PAWR: variants seen among roughly 807,000 people sequenced by gnomAD.
The protein encoded by PAWR is pro-apoptotic WT1 regulator.
A neutral mutation model predicts 32.0 loss-of-function variants in PAWR; 23 were observed. The ratio of observed to expected loss-of-function variants is 0.72; its 90% CI spans 0.52 to 1.02. PAWR has a LOEUF of 1.02. Ranked by LOEUF, PAWR falls within the 50% of genes least tolerant of loss-of-function variation. The pLI is 0.00. For synonymous variants in PAWR, 226 were observed against 187.1 expected (o/e 1.21, Z -1.70); for missense variants, 457 against 437.7 (o/e 1.04, Z -0.39).
chr12:79,621,875 C>T (rs1875036669), intron 2 of PAWR, among the ~76,000 whole-genome samples: 1 of 152,030 alleles, frequency 6.6e-6, no homozygotes, highest in South Asian at 2.1e-4. Context: ...ATAAGAAAAA[C>T]AAAATAGAAA....
At chr12:79,675,201 A>G (rs567281810) in intron 2 of PAWR, among the ~76,000 whole-genome samples, 1 of 152,142 alleles carries the variant, frequency 6.6e-6, no homozygotes, top group East Asian at 1.9e-4. Context: ...ACATGGCAAA[A>G]CCCTGTCTCT....
chr12:79,640,892 A>T lies in PAWR; in HGVS notation c.517-19685T>A, dbSNP rs535242628. 8.5e-5 allele frequency among the ~76,000 whole-genome samples: 13 copies of T among 152,374 alleles called. No individual in the cohort carries two copies. In the East Asian group the frequency reaches 2.3e-3, roughly 27 times the overall value. On this transcript the variant is annotated intron_variant, in intron 2 of 6. Coordinates refer to ENST00000328827, the MANE Select transcript of PAWR (RefSeq NM_002583.4). ...ATAGTTTGATGCGTAAGGATCTTGG[A>T]TGAGAGCTTGTGAGTTATGTGTCTG... is the stretch of plus-strand genomic sequence containing the variant.
At chr12:79,613,929 CAT>C (rs1369245749) in intron 3 of PAWR, among the ~76,000 whole-genome samples, 1 of 73,752 alleles carries the variant, frequency 1.4e-5, no homozygotes, top group Non-Finnish European at 2.6e-5. Flanking sequence ...AAAGTACCAC[CAT>C]TATATATATA....
At chr12:79,616,253 A>G (rs145764237) in intron 3 of PAWR, among the ~76,000 whole-genome samples, 24 of 152,018 alleles carry the variant, frequency 1.6e-4, no homozygotes, top group African/African-American at 5.8e-4. Context: ...AACATCACAC[A>G]TCATTTCTCT....
At chr12:79,689,332 T>C (rs1475803199) in intron 2 of PAWR, among the ~76,000 whole-genome samples, 2 of 152,168 alleles carry the variant, frequency 1.3e-5, no homozygotes, top group Non-Finnish European at 2.9e-5. Flanking sequence ...TAACTTCACA[T>C]GGGCACGTGA....
intron 2 of PAWR, among the ~76,000 whole-genome samples, chr12:79,641,351 T>C (rs1036899608): frequency 4.6e-5 from 7 of 152,194 alleles, no homozygotes; most frequent in Non-Finnish European, 1.0e-4. Flanking sequence ...TTGAAAGCAG[T>C]TAAACATTTG....
intron 4 of PAWR, among the ~76,000 whole-genome samples, chr12:79,607,710 C>T (rs909026193): frequency 4.9e-5 from 7 of 143,286 alleles, no homozygotes; most frequent in African/African-American, 7.5e-5. Flanking sequence ...GCCTGGGCAT[C>T]GGAGTGAGAC....
At chr12:79,652,544 C>T (rs2463104) in intron 2 of PAWR, among the ~76,000 whole-genome samples, 29,955 of 152,044 alleles carry the variant, frequency 0.2, 7,821 homozygotes, top group African/African-American at 0.6. Context: ...TTCAAAAGTT[C>T]TTTGGAAAAA....
rs1566011101 is a variant in PAWR, at chr12:79,632,348, TATATATATA to T, written c.517-11150_517-11142del. ...ATATATATATATATATATATATATATATATATATATATATTTTTTTTTTTTTTTAGACAG... is the reference window on the plus strand; with the variant it reads ...ATATATATATATATATATATATATATTATATTTTTTTTTTTTTTTAGACAG... On this transcript the variant is annotated intron_variant, in intron 2 of 6. Transcript: ENST00000328827. Among the ~76,000 whole-genome samples the T allele has an allele frequency of 3.1e-4, 21 of 67,322 alleles. 1 individual carries two copies. The highest frequency in any genetic ancestry group is 4.1e-4 in the Non-Finnish European group (18 of 43,956). 44.2% of individuals were successfully genotyped at this position (67,322 alleles called of 152,430 possible). A position where few individuals can be genotyped will look rare whatever the true frequency, so the allele number is the denominator to read the frequency against.
intron 4 of PAWR, among the ~76,000 whole-genome samples, chr12:79,599,590 G>A (rs1873884790): frequency 6.6e-6 from 1 of 152,192 alleles, no homozygotes; most frequent in African/African-American, 2.4e-5. Context: ...CTGTATGTCA[G>A]CAATGAAGCT....
chr12:79,604,157 A>T, intron 4 of PAWR: 1 of 818,848 alleles, frequency 1.2e-6, no homozygotes, highest in South Asian at 5.6e-5. Flanking sequence ...ACTCAGAATA[A>T]AAGATTGTTC....
chr12:79,687,325 T>C (rs944077447), intron 2 of PAWR, among the ~76,000 whole-genome samples: 1 of 152,150 alleles, frequency 6.6e-6, no homozygotes, highest in African/African-American at 2.4e-5. Flanking sequence ...GTATTATATA[T>C]ACACTCTATA....
chr12:79,678,785 C>T (rs1244424214), intron 2 of PAWR, among the ~76,000 whole-genome samples: 1 of 152,014 alleles, frequency 6.6e-6, no homozygotes, highest in Non-Finnish European at 1.5e-5. Context: ...ATCTTTCTTA[C>T]CAACTGAGAC....
intron 2 of PAWR, among the ~76,000 whole-genome samples, chr12:79,647,947 T>G (rs1247876813): frequency 6.6e-6 from 1 of 152,162 alleles, no homozygotes; most frequent in Non-Finnish European, 1.5e-5. Flanking sequence ...TCATCAGCCA[T>G]TAGATTCTCA....
chr12:79,598,432 T>G (rs1435452035), intron 4 of PAWR, among the ~76,000 whole-genome samples: 4 of 152,116 alleles, frequency 2.6e-5, no homozygotes, highest in Non-Finnish European at 5.9e-5. Flanking sequence ...TTTAAAAACT[T>G]TTGTCAAAAA....
At chr12:79,598,492 T>C (rs1461351885) in intron 4 of PAWR, among the ~76,000 whole-genome samples, 2 of 152,214 alleles carry the variant, frequency 1.3e-5, no homozygotes, top group Admixed American at 6.5e-5. Context: ...CACTGACTGG[T>C]ATCCATTTCC....
At chr12:79,633,313 A>T (rs1175864770) in intron 2 of PAWR, among the ~76,000 whole-genome samples, 1 of 152,158 alleles carries the variant, frequency 6.6e-6, no homozygotes, top group Non-Finnish European at 1.5e-5. Flanking sequence ...TAAAAAAACA[A>T]CCCAATTAAA....
At chr12:79,669,119 GAT>G (rs1877758797) in intron 2 of PAWR, among the ~76,000 whole-genome samples, 1 of 152,134 alleles carries the variant, frequency 6.6e-6, no homozygotes, top group Non-Finnish European at 1.5e-5. Flanking sequence ...CAGTCTTGGT[GAT>G]ATTTAAAAAA....
intron 3 of PAWR, 62 bp downstream of exon 3, chr12:79,621,014 G>A (rs921431841): frequency 8.2e-7 from 1 of 1,220,796 alleles, no homozygotes; most frequent in Non-Finnish European, 1.2e-6. Flanking sequence ...CAACTCAAGA[G>A]GCATAATTGA....
Sources: allele counts gnomAD v4.1 joint callset (sites outside exome capture counted in the v4.1 genomes callset), GRCh38; gene constraint gnomAD v4.1.1; transcripts MANE v1.5; gene names NCBI Gene and HGNC (gene_info 2026-07-23, HGNC 2026-07-21).